The following SCIN variants were observed in gnomAD, a reference collection of about 807,000 sequenced individuals.
SCIN encodes scinderin.
A neutral mutation model predicts 91.8 loss-of-function variants in SCIN; 91 were observed. The observed-to-expected ratio is 0.99, with a 90% CI of 0.84 to 1.18. The LOEUF (loss-of-function observed/expected upper bound fraction) is 1.18. Among genes scored for constraint, SCIN ranks in the 50% most tolerant of loss-of-function variants. The pLI is 0.00. For synonymous variants in SCIN, 367 were observed against 312.6 expected (o/e 1.17, Z -1.84); for missense variants, 1,087 against 863.9 (o/e 1.26, Z -3.24).
rs1008760890 is a variant in SCIN, at chr7:12,654,235, A to T, written c.*1520A>T. 9.2e-5 allele frequency: 14 copies of T among 152,176 alleles called. No homozygotes were observed. Among genetic ancestry groups the T allele is most frequent in the Non-Finnish European group, 1.5e-4 (10 of 68,014 alleles). The allele number at this position is 152,176 out of a possible 1,614,324, so 9.4% of individuals were successfully genotyped here. ...TTACCACACAAATGGACTATGGTAG[A>T]AGCTGCTGTCCCTTAGTATTGAATA... On this transcript the variant is annotated 3_prime_UTR_variant, in exon 16 of 16. Transcript: ENST00000297029.
chr7:12,574,360 G>A (rs1273309287), intron 1 of SCIN, among the ~76,000 whole-genome samples: 2 of 152,092 alleles, frequency 1.3e-5, no homozygotes, highest in Non-Finnish European at 2.9e-5. Context: ...TGGCATTGCC[G>A]TTGGTTACAG....
chr7:12,617,098 T>G (rs1209928186), intron 4 of SCIN, among the ~76,000 whole-genome samples: 1 of 152,086 alleles, frequency 6.6e-6, no homozygotes, highest in African/African-American at 2.4e-5. Flanking sequence ...AGAAGTCCAG[T>G]GGTAAAATCA....
At position 12,659,798 on chromosome 7, in the gene SCIN, C is replaced by G. The variant is rs187808276; in HGVS notation, c.*7083C>G. 5.9e-6 allele frequency: 1 copy of G among 169,860 alleles called. No homozygotes were observed. The highest frequency in any genetic ancestry group is 2.4e-5 in the African/African-American group (1 of 41,782). The allele number at this position is 169,860 out of a possible 1,614,324, so 10.5% of individuals were successfully genotyped here. On this transcript the variant is annotated 3_prime_UTR_variant, in exon 16 of 16. Transcript: ENST00000297029. ...ACACAGAGTACACCATGTCAGGCCTCTGAGCCCAAGCTAAGCCATCATATC... is the reference window on the plus strand; with the variant it reads ...ACACAGAGTACACCATGTCAGGCCTGTGAGCCCAAGCTAAGCCATCATATC...
intron 10 of SCIN, among the ~76,000 whole-genome samples, chr7:12,638,312 A>T (rs1479673418): frequency 6.6e-6 from 1 of 152,038 alleles, no homozygotes; most frequent in East Asian, 1.9e-4. Context: ...GTGTCTTCCT[A>T]GCTGGAGCTG....
intron 4 of SCIN, among the ~76,000 whole-genome samples, chr7:12,617,921 C>A (rs1158450229): frequency 1.3e-5 from 2 of 152,090 alleles, no homozygotes; most frequent in Non-Finnish European, 2.9e-5. Flanking sequence ...TGGCTTATGG[C>A]TTTTAATGAC....
At chr7:12,613,772 C>T (rs1783243958) in intron 4 of SCIN, among the ~76,000 whole-genome samples, 1 of 151,948 alleles carries the variant, frequency 6.6e-6, no homozygotes, top group African/African-American at 2.4e-5. Flanking sequence ...TATTTAAAGG[C>T]TTTAAAGTGA....
At chr7:12,617,700 C>T (rs957636208) in intron 4 of SCIN, among the ~76,000 whole-genome samples, 1 of 152,086 alleles carries the variant, frequency 6.6e-6, no homozygotes. Context: ...ACCAGGCTAG[C>T]AAAGCTGATG....
In SCIN at chr7:12,649,544, G is replaced by T. The variant is rs763627718; in HGVS notation, c.1959G>T (p.Gln653His). Residue 653 changes from glutamine to histidine, a missense_variant and splice_region_variant, in exon 14 of 16, where the codon CAG (glutamine) becomes CAT (histidine). By Grantham distance (24) the Gln-to-His change is conservative (BLOSUM62 0). Transcript: ENST00000297029. ...DDVMLLDAWE[Q>H]IFIWIGKDAN... ...TCATGTTACTAGATGCTTGGGAACA[G>T]GTAAAACTACATTTTGTTCATAAGA... is the stretch of plus-strand genomic sequence containing the variant. 2.5e-6 allele frequency: 4 copies of T among 1,588,454 alleles called. No individual in the cohort carries two copies. Among genetic ancestry groups the T allele is most frequent in the Non-Finnish European group, 3.4e-6 (4 of 1,164,772 alleles).
At position 12,640,470 on chromosome 7, in the gene SCIN, C is replaced by T; in HGVS notation, c.1534C>T (p.Leu512Phe). The T allele has an allele frequency of 6.2e-7, 1 of 1,612,976 alleles. No individual in the cohort carries two copies. The highest frequency in any genetic ancestry group is 2.2e-5 in the East Asian group (1 of 44,782). The change falls in exon 11 of 16, where the codon CTC (leucine) becomes TTC (phenylalanine). Residue 512 changes from leucine (L) to phenylalanine (F), a missense_variant. Physicochemically the swap from Leu to Phe is conservative, Grantham distance 22. Coordinates refer to ENST00000297029, the MANE Select transcript of SCIN (RefSeq NM_001112706.3). ...TCAGGCACCTGCTCCCCCTACACGC[C>T]TCTTTCAAGTCCGGAGAAACCTGGC... is the stretch of plus-strand genomic sequence containing the variant. ...GGQAPAPPTR[L>F]FQVRRNLASI... is the part of the protein sequence containing the mutation.
At chr7:12,619,861 C>T (rs1373955413) in intron 4 of SCIN, among the ~76,000 whole-genome samples, 2 of 152,068 alleles carry the variant, frequency 1.3e-5, no homozygotes, top group African/African-American at 2.4e-5. Context: ...TGTTTATTTA[C>T]TCAATGGCTG....
At chr7:12,576,212 G>A (rs1365968456) in intron 1 of SCIN, among the ~76,000 whole-genome samples, 1 of 152,182 alleles carries the variant, frequency 6.6e-6, no homozygotes, top group Non-Finnish European at 1.5e-5. Context: ...GGTATTCTCA[G>A]TTAGGGTTCG....
chr7:12,583,400 A>G (rs1466916700), intron 3 of SCIN, among the ~76,000 whole-genome samples: 1 of 152,180 alleles, frequency 6.6e-6, no homozygotes. Context: ...CAAAAGCCTT[A>G]GGCTTTAGAA....
intron 3 of SCIN, among the ~76,000 whole-genome samples, chr7:12,585,846 C>T (rs1782576314): frequency 6.6e-6 from 1 of 152,212 alleles, no homozygotes; most frequent in South Asian, 2.1e-4. Flanking sequence ...GATTCCTTTG[C>T]TAGAATACTC....
intron 8 of SCIN, among the ~76,000 whole-genome samples, chr7:12,628,832 C>T (rs1047967814): frequency 6.6e-6 from 1 of 152,008 alleles, no homozygotes; most frequent in East Asian, 1.9e-4. Flanking sequence ...GTTATTTCCA[C>T]TAGTAGATGA....
chr7:12,575,583 A>G (rs1464242466), intron 1 of SCIN, among the ~76,000 whole-genome samples: 1 of 152,066 alleles, frequency 6.6e-6, no homozygotes, highest in Non-Finnish European at 1.5e-5. Flanking sequence ...ACCTAGTTTT[A>G]AATCTCTCTT....
At position 12,654,405 on chromosome 7, in the gene SCIN, C is replaced by A. The variant is rs1237102724; in HGVS notation, c.*1690C>A. On this transcript the variant is annotated 3_prime_UTR_variant, in exon 16 of 16. Coordinates refer to ENST00000297029, the MANE Select transcript of SCIN (RefSeq NM_001112706.3). Reference sequence around the variant, plus strand: ...TGACATTTGCCTAAAGGAAAATTTACCTAAAAAGGCGTTTTCTTGCTATGG... The same window carrying A: ...TGACATTTGCCTAAAGGAAAATTTAACTAAAAAGGCGTTTTCTTGCTATGG... The A allele has an allele frequency of 6.6e-6, 1 of 152,072 alleles. No individual in the cohort carries two copies. The highest frequency in any genetic ancestry group is 1.5e-5 in the Non-Finnish European group (1 of 68,012). The allele number at this position is 152,072 out of a possible 1,614,324, so 9.4% of individuals were successfully genotyped here. A position where few individuals can be genotyped will look rare whatever the true frequency, so the allele number is the denominator to read the frequency against.
chr7:12,639,819 T>G (rs567575525), intron 10 of SCIN, among the ~76,000 whole-genome samples: 2 of 152,314 alleles, frequency 1.3e-5, no homozygotes, highest in South Asian at 4.1e-4. Flanking sequence ...GTGTGTAATT[T>G]TTTTATTTTA....
chr7:12,583,279 A>T (rs531169093), intron 3 of SCIN, among the ~76,000 whole-genome samples: 1 of 152,006 alleles, frequency 6.6e-6, no homozygotes, highest in African/African-American at 2.4e-5. Context: ...TTACATCTTG[A>T]CTCTGATTTC....
In SCIN at chr7:12,651,082, C is replaced by CAGAATGCA. The variant is rs1179266481; in HGVS notation, c.1960-754_1960-747dup. Among the ~76,000 whole-genome samples, 1 of 152,118 alleles carries CAGAATGCA rather than the reference C, an allele frequency of 6.6e-6. No individual in the cohort carries two copies. The highest frequency in any genetic ancestry group is 2.4e-5 in the African/African-American group (1 of 41,424). On this transcript the variant is annotated intron_variant, in intron 14 of 15. Coordinates refer to ENST00000297029, the MANE Select transcript of SCIN (RefSeq NM_001112706.3). This position sits in a 1 kb window ranked among gnomAD's most constrained non-coding sequence, Gnocchi z 5.9. ...TATATTAATGTTCACAGGAGTCATA[C>CAGAATGCA]AGAATGCAAGAACTAAATAAATGGC... is the stretch of plus-strand genomic sequence containing the variant.
Sources: gnomAD v4.1 joint callset for allele counts (sites outside exome capture counted in the v4.1 genomes callset) on GRCh38, gnomAD v4.1.1 for gene constraint, Gnocchi (gnomAD v3.1) non-coding constraint, MANE v1.5 for transcripts, NCBI Gene and HGNC (gene_info 2026-07-23, HGNC 2026-07-21) for gene names.